The following RIPOR3 variants were observed in gnomAD, a reference collection of about 807,000 sequenced individuals.
RIPOR3 encodes the protein family with sequence similarity 65 member C.
In RIPOR3, 95 loss-of-function variants were observed where a neutral mutation model predicts 114.3. The observed-to-expected ratio is 0.83, with a 90% CI of 0.70 to 0.99. The LOEUF is 0.99. RIPOR3 is among the 50% of genes least tolerant of loss of function. The pLI is 0.00. For synonymous variants in RIPOR3, 575 were observed against 543.8 expected (o/e 1.06, Z -0.80); for missense variants, 1,252 against 1,266.9 (o/e 0.99, Z 0.18).
intron 1 of RIPOR3, among the ~76,000 whole-genome samples, chr20:50,644,769 C>T (rs1302645750): frequency 6.9e-6 from 1 of 144,446 alleles, no homozygotes; most frequent in Non-Finnish European, 1.5e-5. Context: ...CGATCCTCAA[C>T]CTCAACCTCC....
chr20:50,682,559 A>T (rs1446441619), intron 1 of RIPOR3, among the ~76,000 whole-genome samples: 2 of 147,410 alleles, frequency 1.4e-5, no homozygotes, highest in Non-Finnish European at 3.0e-5. Context: ...GTGAGCTGAG[A>T]TTGCACCACT....
At chr20:50,687,437 G>A (rs932478014) in intron 1 of RIPOR3, among the ~76,000 whole-genome samples, 23 of 152,234 alleles carry the variant, frequency 1.5e-4, no homozygotes, top group African/African-American at 5.1e-4. Context: ...TTCAGGAGAC[G>A]ATTTTTGACA....
At chr20:50,673,441 G>A (rs1568957157) in intron 1 of RIPOR3, among the ~76,000 whole-genome samples, 1 of 152,146 alleles carries the variant, frequency 6.6e-6, no homozygotes, top group Non-Finnish European at 1.5e-5. Context: ...AAGGTGGCCA[G>A]CCTGGCTTTG....
intron 1 of RIPOR3, among the ~76,000 whole-genome samples, chr20:50,646,230 T>C (rs1206766427): frequency 1.3e-5 from 2 of 152,138 alleles, no homozygotes; most frequent in African/African-American, 2.4e-5. Flanking sequence ...TAGGCTCCAG[T>C]GATCCTCCTG....
At chr20:50,632,848 T>C (rs1479876728) in intron 1 of RIPOR3, among the ~76,000 whole-genome samples, 2 of 152,224 alleles carry the variant, frequency 1.3e-5, no homozygotes, top group African/African-American at 4.8e-5. Context: ...GGATGCCCGA[T>C]GTCAGAGCTT....
chr20:50,677,816 C>T (rs532522316), intron 1 of RIPOR3, among the ~76,000 whole-genome samples: 64 of 151,990 alleles, frequency 4.2e-4, no homozygotes, highest in African/African-American at 1.4e-3. Flanking sequence ...ATTACAGGCA[C>T]GTGCCACCAC....
At chr20:50,626,749 C>T (rs574632086) in intron 2 of RIPOR3, among the ~76,000 whole-genome samples, 1 of 152,284 alleles carries the variant, frequency 6.6e-6, no homozygotes, top group East Asian at 1.9e-4. Context: ...GGGCCAGGCG[C>T]GGTGGCTCAC....
chr20:50,616,055 C>T lies in RIPOR3; in HGVS notation c.295G>A (p.Glu99Lys). Residue 99 changes from glutamate (E) to lysine (K), a missense_variant, in exon 4 of 22, where the codon GAG becomes AAG. Physicochemically the swap from Glu to Lys is moderately conservative, Grantham distance 56. Transcript: ENST00000327979. The stretch of plus-strand genomic sequence containing the variant: ...TGGCGTCCAGACAGGTGGTCCAGCT[C>T]AGCCTGCTGCACACACAGATACTCC... ...LKEYLCVQQA[E>K]LDHLSGRHKD... The T allele has an allele frequency of 6.2e-7, 1 of 1,611,994 alleles. No homozygotes were observed. Among genetic ancestry groups the T allele is most frequent in the South Asian group, 1.1e-5 (1 of 90,354 alleles).
Position 50,592,447 on chromosome 20 carries a change from A to G in RIPOR3, c.2474T>C (p.Leu825Ser). Residue 825 changes from leucine to serine, a missense_variant, in exon 19 of 22, where the codon TTA becomes TCA. By Grantham distance (145) the Leu-to-Ser change is moderately radical. Coordinates refer to ENST00000327979, the MANE Select transcript of RIPOR3 (RefSeq NM_001290268.2). ...LGQLQPLPQTLRAWALLQLDG... is the reference protein window; with the variant it reads ...LGQLQPLPQTSRAWALLQLDG... ...CAGCTGGAGCAGCGCCCAGGCTCTT[A>G]AGGTCTGGGGCAGAGGCTGGAGCTG... is the stretch of plus-strand genomic sequence containing the variant. The G allele has an allele frequency of 1.2e-6, 2 of 1,612,504 alleles. No individual in the cohort carries two copies. Among genetic ancestry groups the G allele is most frequent in the Non-Finnish European group, 1.7e-6 (2 of 1,179,448 alleles).
intron 1 of RIPOR3, among the ~76,000 whole-genome samples, chr20:50,651,598 C>A (rs745868439): frequency 1.3e-5 from 2 of 152,204 alleles, no homozygotes; most frequent in African/African-American, 4.8e-5. Context: ...CGAATCTTGG[C>A]AATTCCATCC....
chr20:50,640,612 T>C (rs2085156151), intron 1 of RIPOR3, among the ~76,000 whole-genome samples: 2 of 147,894 alleles, frequency 1.4e-5, no homozygotes, highest in African/African-American at 2.6e-5. Context: ...CTCTGTCATC[T>C]CGGGGACACA....
chr20:50,606,879 G>C (rs2083742152), intron 11 of RIPOR3, among the ~76,000 whole-genome samples: 1 of 152,092 alleles, frequency 6.6e-6, no homozygotes, highest in Non-Finnish European at 1.5e-5. Flanking sequence ...ATAGGCCCGT[G>C]CCACCACGCC....
At chr20:50,627,554 G>C (rs570650152) in intron 2 of RIPOR3, among the ~76,000 whole-genome samples, 1 of 134,924 alleles carries the variant, frequency 7.4e-6, no homozygotes, top group Non-Finnish European at 1.5e-5. Flanking sequence ...GTGGTGGCAC[G>C]CTCCTGTAAT....
intron 1 of RIPOR3, among the ~76,000 whole-genome samples, chr20:50,682,468 G>A (rs2086889243): frequency 6.6e-6 from 1 of 152,102 alleles, no homozygotes; most frequent in African/African-American, 2.4e-5. Context: ...GTAGCCAAGT[G>A]TGGTGGTGCA....
At position 50,589,786 on chromosome 20, in the gene RIPOR3, G is replaced by C; in HGVS notation, c.2578-17C>G. Reference sequence around the variant, plus strand: ...CAGCAAAGCCTGGGGAGAGTAAGGAGGCTGTGAATGGAGGGGTAAGCAGAA... The same window carrying C: ...CAGCAAAGCCTGGGGAGAGTAAGGACGCTGTGAATGGAGGGGTAAGCAGAA... On this transcript the variant is annotated splice_polypyrimidine_tract_variant and intron_variant, in intron 19 of 21. Transcript: ENST00000327979. 6.2e-7 allele frequency: 1 copy of C among 1,609,274 alleles called. No individual in the cohort carries two copies.
chr20:50,668,931 A>C (rs1352996203), intron 1 of RIPOR3, among the ~76,000 whole-genome samples: 1 of 151,992 alleles, frequency 6.6e-6, no homozygotes, highest in Non-Finnish European at 1.5e-5. Flanking sequence ...TCATGCATGC[A>C]CATGACATGC....
At chr20:50,685,730 A>T (rs1397463900) in intron 1 of RIPOR3, among the ~76,000 whole-genome samples, 1 of 148,940 alleles carries the variant, frequency 6.7e-6, no homozygotes, top group Non-Finnish European at 1.5e-5. Context: ...CTGAGGCAGG[A>T]GAATTTCTTG....
In RIPOR3 at chr20:50,630,786, C is replaced by T. The variant is rs371121479; in HGVS notation, c.74G>A (p.Arg25Gln). The T allele has an allele frequency of 1.2e-5, 20 of 1,612,150 alleles. No homozygotes were observed. In the East Asian group the frequency reaches 1.3e-4, roughly 11 times the overall value. Residue 25 changes from arginine to glutamine, a missense_variant, in exon 2 of 22, where the codon CGG becomes CAG. Coordinates refer to ENST00000327979, the MANE Select transcript of RIPOR3 (RefSeq NM_001290268.2). ...GCTGAAGCCTGCGAAGGAGGCGCTC[C>T]GGCCCACGACCCCCACGGCCCCTGT... is the stretch of plus-strand genomic sequence containing the variant. ...GDTGAVGVVG[R>Q]SASFAGFSSA...
At chr20:50,599,392 CAAAAAAAAAGGA>C (rs1234218631) in intron 13 of RIPOR3, among the ~76,000 whole-genome samples, 4 of 140,318 alleles carry the variant, frequency 2.9e-5, no homozygotes, top group Non-Finnish European at 6.2e-5. Context: ...ACTCCGTCTC[CAAAAAAAAAGGA>C]AAAAAAAAAG....
Sources: allele counts gnomAD v4.1 joint callset (sites outside exome capture counted in the v4.1 genomes callset), GRCh38; gene constraint gnomAD v4.1.1; transcripts MANE v1.5; gene names NCBI Gene and HGNC (gene_info 2026-07-23, HGNC 2026-07-21).